Variants in RIPOR2 observed in about 807,000 individuals in gnomAD.
RIPOR2 encodes the protein RHO family interacting cell polarization regulator 2, also known as rho family-interacting cell polarization regulator 2.
RIPOR2 carries 39 observed loss-of-function variants against 114.5 expected under a neutral mutation model. That is an observed-to-expected ratio of 0.34 (90% CI 0.26 to 0.44). The LOEUF (loss-of-function observed/expected upper bound fraction) is 0.44, where lower values mean the gene tolerates loss of function less well. Ranked by LOEUF, RIPOR2 falls within the 20% of genes least tolerant of loss-of-function variation. RIPOR2 has a pLI of 1.00. For synonymous variants in RIPOR2, 445 were observed against 484.4 expected (o/e 0.92, Z 1.07); for missense variants, 1,007 against 1,255.1 (o/e 0.80, Z 2.99).
At chr6:24,847,875 G>A (rs917526533) in intron 12 of RIPOR2, 150 bp downstream of exon 12, 6 of 1,159,752 alleles carry the variant, frequency 5.2e-6, no homozygotes, top group Non-Finnish European at 7.3e-6. Context: ...CAATAGGTAA[G>A]GTGGGCAAGG....
chr6:24,902,797 C>T (rs1336948589), intron 1 of RIPOR2, among the ~76,000 whole-genome samples: 1 of 152,178 alleles, frequency 6.6e-6, no homozygotes, highest in Non-Finnish European at 1.5e-5. Context: ...TTTCTTAGAC[C>T]AATGTTCTGC....
At chr6:24,954,649 T>C (rs1772947833) in intron 1 of RIPOR2, among the ~76,000 whole-genome samples, 1 of 151,872 alleles carries the variant, frequency 6.6e-6, no homozygotes, top group African/African-American at 2.4e-5. Flanking sequence ...TATCTCACTA[T>C]ATTGCTCAGG....
intron 1 of RIPOR2, among the ~76,000 whole-genome samples, chr6:24,990,361 A>T (rs768117592): frequency 6.6e-6 from 1 of 152,254 alleles, no homozygotes; most frequent in Non-Finnish European, 1.5e-5. Flanking sequence ...TAAATCAGCA[A>T]ATAAGAAGTC....
rs1762876072 is a variant in RIPOR2, at chr6:24,851,269, T to C, written c.760-547A>G. The stretch of plus-strand genomic sequence containing the variant: ...ACAGGTTTTCTGTAGTAAAAGGTCA[T>C]TGCACTGTGCCCTTCTGCTCACTCA... On this transcript the variant is annotated intron_variant, in intron 9 of 21. Coordinates refer to ENST00000643898, the MANE Select transcript of RIPOR2 (RefSeq NM_001286445.3). Among the ~76,000 whole-genome samples, 5 of 152,182 alleles carry C rather than the reference T, an allele frequency of 3.3e-5. No individual in the cohort carries two copies. The South Asian group carries it at 1.0e-3, about 32-fold the overall frequency.
chr6:24,891,087 C>A (rs1018806819), intron 1 of RIPOR2, among the ~76,000 whole-genome samples: 2 of 152,142 alleles, frequency 1.3e-5, no homozygotes, highest in Non-Finnish European at 2.9e-5. Flanking sequence ...TGACTCCCTG[C>A]AGAACAACCC....
chr6:24,821,286 G>A (rs1450197587), intron 19 of RIPOR2, among the ~76,000 whole-genome samples: 1 of 150,962 alleles, frequency 6.6e-6, no homozygotes, highest in Non-Finnish European at 1.5e-5. Flanking sequence ...GGGTTCAAGC[G>A]ATTCTCCTGC....
At chr6:25,008,902 G>C (rs879135473) in intron 1 of RIPOR2, among the ~76,000 whole-genome samples, 17 of 152,236 alleles carry the variant, frequency 1.1e-4, no homozygotes. Flanking sequence ...TTCAGCAGGT[G>C]CTACTTTCCA....
chr6:24,898,861 A>T (rs2114004066), intron 1 of RIPOR2, among the ~76,000 whole-genome samples: 1 of 151,488 alleles, frequency 6.6e-6, no homozygotes. Flanking sequence ...AAACATATTT[A>T]CTTTCTCTGG....
rs888757796 is a variant in RIPOR2, at chr6:25,024,096, C to T, written c.76+17755G>A. On this transcript the variant is annotated intron_variant, in intron 1 of 13. Coordinates refer to the RIPOR2 transcript ENST00000510784. ...CCTTTATCTGGGGGACCAGCGAGTA[C>T]CAGGTGAGCTCAAACCGGACCTGAT... 5 of 786,528 alleles carry T rather than the reference C, an allele frequency of 6.4e-6. No individual in the cohort carries two copies. The African/African-American group carries it at 8.5e-5, about 13-fold the overall frequency. 48.7% of individuals were successfully genotyped at this position (786,528 alleles called of 1,614,324 possible).
At chr6:24,945,322 A>C (rs947106537) in intron 1 of RIPOR2, among the ~76,000 whole-genome samples, 2 of 152,192 alleles carry the variant, frequency 1.3e-5, no homozygotes, top group Non-Finnish European at 2.9e-5. Flanking sequence ...AAAGCTGAGG[A>C]AGTGTATTAC....
At chr6:24,820,869 CTTTTTTT>C (rs34770819) in intron 19 of RIPOR2, among the ~76,000 whole-genome samples, 23 of 84,066 alleles carry the variant, frequency 2.7e-4, no homozygotes, top group Non-Finnish European at 5.0e-4. Flanking sequence ...GTTTAACACT[CTTTTTTT>C]TTTTTTTTTT....
At chr6:24,946,755 C>T (rs604945) in intron 1 of RIPOR2, among the ~76,000 whole-genome samples, 7,714 of 152,194 alleles carry the variant, frequency 0.051, 332 homozygotes, top group African/African-American at 0.11. Context: ...GCAGTGCCAT[C>T]CCTTTGCACA....
At position 24,858,354 on chromosome 6, in the gene RIPOR2, G is replaced by T. The variant is rs1763698591; in HGVS notation, c.715+2619C>A. Among the ~76,000 whole-genome samples the T allele has an allele frequency of 6.6e-6, 1 of 152,192 alleles. No homozygotes were observed. The highest frequency in any genetic ancestry group is 2.4e-5 in the African/African-American group (1 of 41,432). ...TCTAGTGTTGGGGTTGGGGCAAAAA[G>T]GGAAGTGAGGAAGGGTGTGGCACGA... On this transcript the variant is annotated intron_variant, in intron 8 of 21. Transcript: ENST00000643898. This position sits in a 1 kb window ranked among gnomAD's most constrained non-coding sequence, Gnocchi z 4.0.
chr6:25,041,731 G>C, intron 1 of RIPOR2: 1 of 615,234 alleles, frequency 1.6e-6, no homozygotes, highest in Non-Finnish European at 2.9e-6. Context: ...ACAGGAAAGT[G>C]GAAGAGAGGA....
chr6:24,972,879 G>T (rs1316853547), intron 1 of RIPOR2, among the ~76,000 whole-genome samples: 1 of 152,164 alleles, frequency 6.6e-6, no homozygotes, highest in African/African-American at 2.4e-5. Flanking sequence ...GCTGAGTAAT[G>T]ACTTTATTTT....
At chr6:24,931,523 C>T (rs1432086761) in intron 1 of RIPOR2, among the ~76,000 whole-genome samples, 5 of 152,186 alleles carry the variant, frequency 3.3e-5, no homozygotes, top group Non-Finnish European at 7.3e-5. Context: ...TGGGAGAGTT[C>T]CCCTCCTTTG....
At chr6:24,936,314 C>A (rs887946962), upstream of RIPOR2, among the ~76,000 whole-genome samples, 25 of 152,204 alleles carry the variant, frequency 1.6e-4, no homozygotes, top group African/African-American at 6.0e-4. Flanking sequence ...TTTCTCATAT[C>A]TTGGTTTTGC....
At chr6:24,833,622 A>G (rs1013973729) in intron 15 of RIPOR2, among the ~76,000 whole-genome samples, 1 of 152,076 alleles carries the variant, frequency 6.6e-6, no homozygotes, top group African/African-American at 2.4e-5. Context: ...TTTTGAAAAT[A>G]ATTGTAGTGA....
At chr6:24,900,580 A>G (rs1768342186) in intron 1 of RIPOR2, among the ~76,000 whole-genome samples, 1 of 152,082 alleles carries the variant, frequency 6.6e-6, no homozygotes, top group Admixed American at 6.5e-5. Context: ...CAACATGGTG[A>G]AACCCCATCT....
Sources: gnomAD v4.1 joint callset for allele counts (sites outside exome capture counted in the v4.1 genomes callset) on GRCh38, gnomAD v4.1.1 for gene constraint, Gnocchi (gnomAD v3.1) non-coding constraint, MANE v1.5 for transcripts, NCBI Gene and HGNC (gene_info 2026-07-23, HGNC 2026-07-21) for gene names.